The following SRPK2 variants were observed in gnomAD, a reference collection of about 807,000 sequenced individuals.
SRPK2 encodes SRSF protein kinase 2, also known as SFRS protein kinase 2.
Under a neutral mutation model 90.8 loss-of-function variants are expected in SRPK2, and 21 were observed. That is an observed-to-expected ratio of 0.23 (90% CI 0.16 to 0.33). The LOEUF (loss-of-function observed/expected upper bound fraction) is 0.33. Among genes scored for constraint, SRPK2 ranks in the 10% least tolerant of loss-of-function variants. SRPK2 has a pLI of 1.00. For synonymous variants in SRPK2, 288 were observed against 311.1 expected, an observed-to-expected ratio of 0.93 and a Z score of 0.78; for missense variants, 620 against 869.0, an observed-to-expected ratio of 0.71 and a Z score of 3.60.
chr7:105,258,367 A>C (rs1230281555), intron 2 of SRPK2, among the ~76,000 whole-genome samples: 2 of 148,916 alleles, frequency 1.3e-5, no homozygotes, highest in African/African-American at 4.9e-5. Flanking sequence ...TAGTGAGCCG[A>C]GATCATGCCA....
At chr7:105,306,486 A>G in intron 2 of SRPK2, 1 of 450,760 alleles carries the variant, frequency 2.2e-6, no homozygotes, top group Admixed American at 2.4e-5. Context: ...GAACCAGGCA[A>G]AAAAAAAACC....
intron 2 of SRPK2, among the ~76,000 whole-genome samples, chr7:105,344,285 G>C (rs1433909194): frequency 7.7e-6 from 1 of 130,278 alleles, no homozygotes; most frequent in African/African-American, 2.6e-5. Context: ...TTTATTTATG[G>C]ACATAGAATT....
At position 105,205,496 on chromosome 7, in the gene SRPK2, TTC is replaced by T. The variant is rs57970307; in HGVS notation, c.72-1713_72-1712del. Among the ~76,000 whole-genome samples, 1,320 of 137,554 alleles carry T rather than the reference TTC, an allele frequency of 9.6e-3. 15 individuals carry two copies. The highest frequency in any genetic ancestry group is 0.017 in the Admixed American group (233 of 13,856). The allele number at this position is 137,554 out of a possible 152,430, so 90.2% of individuals were successfully genotyped here. A position where few individuals can be genotyped will look rare whatever the true frequency, so the allele number is the denominator to read the frequency against. On this transcript the variant is annotated intron_variant, in intron 2 of 15. Transcript: ENST00000393651. The stretch of plus-strand genomic sequence containing the variant: ...GAGCCCTGAAAGAGAATAATATTCA[TTC>T]TCTCTCTCTCTCTCTCTCTCACACA...
intron 6 of SRPK2, among the ~76,000 whole-genome samples, chr7:105,161,940 G>C (rs935528725): frequency 6.6e-6 from 1 of 152,142 alleles, no homozygotes; most frequent in Non-Finnish European, 1.5e-5. Flanking sequence ...AAAAGACAGG[G>C]TCTCACTACG....
At chr7:105,316,670 T>A (rs987893256) in intron 2 of SRPK2, among the ~76,000 whole-genome samples, 1 of 152,224 alleles carries the variant, frequency 6.6e-6, no homozygotes, top group East Asian at 1.9e-4. Context: ...AGGTTAAAGA[T>A]AAGAAACTAA....
intron 2 of SRPK2, among the ~76,000 whole-genome samples, chr7:105,336,245 A>G (rs1815077145): frequency 6.6e-6 from 1 of 152,198 alleles, no homozygotes; most frequent in Non-Finnish European, 1.5e-5. Context: ...TTTTCTTTAC[A>G]ACGTTTTACT....
intron 2 of SRPK2, among the ~76,000 whole-genome samples, chr7:105,314,727 T>C (rs1379203640): frequency 6.6e-6 from 1 of 152,202 alleles, no homozygotes; most frequent in Non-Finnish European, 1.5e-5. Flanking sequence ...TAATTGGAAA[T>C]CTAGAAGTTA....
Position 105,177,644 on chromosome 7 carries a change from G to C in SRPK2, c.230-8379C>G, listed in dbSNP as rs115388965. ...TCATCCTGGGGGCGGCTATGCATGC[G>C]TCAGGGCAGGGAGTTCATAGGTTAT... On this transcript the variant is annotated intron_variant, in intron 3 of 15. Transcript: ENST00000393651. Among the ~76,000 whole-genome samples the C allele has an allele frequency of 4.7e-3, 718 of 152,250 alleles. 7 individuals carry two copies. The highest frequency in any genetic ancestry group is 0.016 in the African/African-American group (680 of 41,532).
chr7:105,229,202 G>A (rs1037050263), intron 2 of SRPK2, among the ~76,000 whole-genome samples: 11 of 152,154 alleles, frequency 7.2e-5, no homozygotes, highest in African/African-American at 2.7e-4. Context: ...GGTGGCTCAC[G>A]CCCGTAATAC....
At chr7:105,222,540 T>C (rs969591523) in intron 2 of SRPK2, among the ~76,000 whole-genome samples, 1 of 152,264 alleles carries the variant, frequency 6.6e-6, no homozygotes, top group Non-Finnish European at 1.5e-5. Flanking sequence ...AAATCATTAG[T>C]AAGTTTGAAA....
At chr7:105,149,470 T>C (rs917023626) in intron 7 of SRPK2, among the ~76,000 whole-genome samples, 1 of 151,590 alleles carries the variant, frequency 6.6e-6, no homozygotes, top group Non-Finnish European at 1.5e-5. Flanking sequence ...GCTGAAATAA[T>C]GAAGATAATA....
At chr7:105,331,308 CAAAAAAAAAAAAAAAA>C (rs57653042) in intron 2 of SRPK2, among the ~76,000 whole-genome samples, 6,727 of 45,424 alleles carry the variant, frequency 0.15, 461 homozygotes, top group Middle Eastern at 0.38. Flanking sequence ...GACTCCGTCT[CAAAAAAAAAAAAAAAA>C]AAAAAAAAAA....
At chr7:105,161,285 A>G (rs940446604) in intron 6 of SRPK2, among the ~76,000 whole-genome samples, 1 of 152,218 alleles carries the variant, frequency 6.6e-6, no homozygotes, top group Non-Finnish European at 1.5e-5. Flanking sequence ...TGTATATGCT[A>G]TGTAAATAGT....
chr7:105,286,801 T>C (rs1018162955), intron 2 of SRPK2, among the ~76,000 whole-genome samples: 1 of 152,224 alleles, frequency 6.6e-6, no homozygotes, highest in South Asian at 2.1e-4. Context: ...ATGCTGGCTA[T>C]GTATGCTCCA....
At chr7:105,351,525 G>A (rs141849379) in intron 2 of SRPK2, among the ~76,000 whole-genome samples, 137 of 151,426 alleles carry the variant, frequency 9.0e-4, no homozygotes, top group African/African-American at 3.0e-3. Context: ...ATCACCGGCC[G>A]GGCGCAGTAG....
At chr7:105,199,281 G>A (rs573192922) in intron 3 of SRPK2, among the ~76,000 whole-genome samples, 4 of 152,160 alleles carry the variant, frequency 2.6e-5, no homozygotes, top group Non-Finnish European at 5.9e-5. Context: ...AGAAATACAT[G>A]TGATGTCTTT....
At chr7:105,290,197 CAAAA>C (rs56311004) in intron 2 of SRPK2, among the ~76,000 whole-genome samples, 64 of 133,812 alleles carry the variant, frequency 4.8e-4, no homozygotes, top group Non-Finnish European at 5.7e-4. Context: ...ACAGGCTCTT[CAAAA>C]AAAAAAAAAA....
In SRPK2 at chr7:105,256,689, T is replaced by C. The variant is rs139566221; in HGVS notation, c.72-52904A>G. 4.6e-5 allele frequency among the ~76,000 whole-genome samples: 7 copies of C among 152,036 alleles called. No individual in the cohort carries two copies. In the East Asian group the frequency reaches 1.4e-3, roughly 29 times the overall value. On this transcript the variant is annotated intron_variant, in intron 2 of 15. Transcript: ENST00000393651. ...GCATTTAAAATGAAGAGATTTGACA[T>C]AAAAATCCAAATGTTCAACTCGTAA...
At chr7:105,205,517 T>TCACACA (rs543121144) in intron 2 of SRPK2, among the ~76,000 whole-genome samples, 2 of 95,794 alleles carry the variant, frequency 2.1e-5, no homozygotes, top group Non-Finnish European at 4.7e-5. Flanking sequence ...TCTCTCTCTC[T>TCACACA]CACACACACA....
Sources: gnomAD v4.1 joint callset for allele counts (sites outside exome capture counted in the v4.1 genomes callset) on GRCh38, gnomAD v4.1.1 for gene constraint, MANE v1.5 for transcripts, NCBI Gene and HGNC (gene_info 2026-07-23, HGNC 2026-07-21) for gene names.